The following LRBA variants were observed in gnomAD, a reference collection of about 807,000 sequenced individuals.
The protein encoded by LRBA is LPS responsive beige-like anchor protein.
Under a neutral mutation model 330.0 loss-of-function variants are expected in LRBA, and 176 were observed. That is an observed-to-expected ratio of 0.53 (90% CI 0.47 to 0.60). The LOEUF is 0.60. Among genes scored for constraint, LRBA ranks in the 20% least tolerant of loss-of-function variants. LRBA has a pLI of 0.00. For missense variants in LRBA, 3,259 were observed against 3,444.8 expected (o/e 0.95, Z 1.35); for synonymous variants, 1,230 against 1,193.0 (o/e 1.03, Z -0.64).
rs200210443 is a variant in LRBA at position 150,590,713 on chromosome 4, C to T, written c.6193G>A (p.Gly2065Ser). 21 of 1,612,482 alleles carry T rather than the reference C, an allele frequency of 1.3e-5. No individual in the cohort carries two copies. The highest frequency in any genetic ancestry group is 5.5e-5 in the South Asian group (5 of 90,710). ...VDEKDLENLA[G>S]PVSLSTPAQL... ...ATATCTGCACAACCACCAAATTTAC[C>T]GGCAAGATTCTCTAAATCTTTCTCA... The change falls in exon 39 of 57, where the codon GGT (glycine) becomes AGT (serine). Residue 2065 changes from glycine (G) to serine (S), a missense_variant and splice_region_variant. By Grantham distance (56) the Gly-to-Ser change is moderately conservative. Transcript: ENST00000651943.
intron 37 of LRBA, among the ~76,000 whole-genome samples, chr4:150,626,011 G>C (rs1161867904): frequency 6.8e-6 from 1 of 147,900 alleles, no homozygotes; most frequent in Non-Finnish European, 1.5e-5. Context: ...TTTTTTTTTT[G>C]GAAGCTTTCC....
chr4:150,386,360 C>T (rs1191076689), intron 47 of LRBA, among the ~76,000 whole-genome samples: 4 of 151,742 alleles, frequency 2.6e-5, no homozygotes, highest in African/African-American at 7.3e-5. Flanking sequence ...ATTAGTGACC[C>T]TTTGAGTATT....
chr4:150,350,007 A>T lies in LRBA; in HGVS notation c.7347T>A (p.Asp2449Glu), dbSNP rs1405747130. Residue 2449 changes from aspartate to glutamate, a missense_variant, in exon 48 of 57, where the codon GAT (aspartate) becomes GAA (glutamate). Transcript: ENST00000651943. ...EGAVNLNSIT[D>E]PVLREAVEAQ... The stretch of plus-strand genomic sequence containing the variant: ...GATAACTTACCTCTCTCAACACAGG[A>T]TCAGTTATTGAATTCAGATTGACAG... 6.2e-7 allele frequency: 1 copy of T among 1,613,658 alleles called. No homozygotes were observed. Among genetic ancestry groups the T allele is most frequent in the South Asian group, 1.1e-5 (1 of 91,078 alleles).
chr4:150,974,294 C>T (rs1227070492), intron 2 of LRBA, among the ~76,000 whole-genome samples: 3 of 151,960 alleles, frequency 2.0e-5, no homozygotes, highest in African/African-American at 4.8e-5. Flanking sequence ...GAGAAGAGTA[C>T]CAGAGAAGAA....
At chr4:150,994,917 A>G (rs1415157923) in intron 2 of LRBA, among the ~76,000 whole-genome samples, 2 of 152,230 alleles carry the variant, frequency 1.3e-5, no homozygotes, top group Non-Finnish European at 2.9e-5. Flanking sequence ...CTCCCCTGGG[A>G]GCATCCATCA....
chr4:150,559,696 T>A (rs1376002513), intron 40 of LRBA, among the ~76,000 whole-genome samples: 2 of 90,440 alleles, frequency 2.2e-5, no homozygotes, highest in Non-Finnish European at 4.0e-5. Context: ...ATATTATATA[T>A]TATATATTAT....
chr4:150,836,000 T>C (rs1747997699), intron 28 of LRBA, among the ~76,000 whole-genome samples: 1 of 152,228 alleles, frequency 6.6e-6, no homozygotes, highest in African/African-American at 2.4e-5. Context: ...ATACAGAGTT[T>C]TTAGCATGAA....
Position 150,849,629 on chromosome 4 carries a change from T to C in LRBA, c.4005-54A>G, listed in dbSNP as rs1170847016. ...TAAAGCTAAAGAAAGGAAATCACAG[T>C]TTGCCTACTTGAGGGGAGGAAAGAT... On this transcript the variant is annotated intron_variant, in intron 24 of 56. Transcript: ENST00000651943. 2.7e-6 allele frequency: 4 copies of C among 1,458,830 alleles called. No individual in the cohort carries two copies. In the African/African-American group the frequency reaches 5.6e-5, roughly 20 times the overall value. The allele number at this position is 1,458,830 out of a possible 1,614,324, so 90.4% of individuals were successfully genotyped here.
chr4:150,844,747 A>T lies in LRBA; in HGVS notation c.4372T>A (p.Cys1458Ser). Residue 1458 changes from cysteine to serine, a missense_variant, in exon 27 of 57, where the codon TGT becomes AGT. Cys to Ser is a moderately radical substitution (Grantham distance 112). Coordinates refer to ENST00000651943, the MANE Select transcript of LRBA (RefSeq NM_001364905.1). Reference protein sequence around the residue: ...CAVAVRNCLECQQHSQLKTRG... With the variant: ...CAVAVRNCLESQQHSQLKTRG... ...GTTTTCAGTTGTGAATGCTGTTGAC[A>T]CTCCAAGCAATTCCTTACTGCGACT... is the stretch of plus-strand genomic sequence containing the variant. The T allele has an allele frequency of 6.2e-7, 1 of 1,613,208 alleles. No homozygotes were observed. Among genetic ancestry groups the T allele is most frequent in the Non-Finnish European group, 8.5e-7 (1 of 1,179,294 alleles).
chr4:150,850,934 G>C (rs756489908), intron 23 of LRBA, 32 bp from the exon 24 acceptor site: 1 of 1,511,082 alleles, frequency 6.6e-7, no homozygotes, highest in Non-Finnish European at 9.1e-7. Context: ...TAATAAAATA[G>C]GTTCAACTTC....
chr4:150,644,518 T>G (rs1778957030), intron 37 of LRBA, among the ~76,000 whole-genome samples: 1 of 151,896 alleles, frequency 6.6e-6, no homozygotes, highest in Non-Finnish European at 1.5e-5. Context: ...TTATAGCCTT[T>G]CAGTGAAAAC....
rs1159362394 is a variant in LRBA, at chr4:150,467,757, A to T, written c.6696T>A (p.Tyr2232Ter). 6.3e-7 allele frequency: 1 copy of T among 1,594,750 alleles called. No individual in the cohort carries two copies. The highest frequency in any genetic ancestry group is 2.2e-5 in the East Asian group (1 of 44,504). Residue 2232 changes from tyrosine to a stop codon, truncating the protein, a stop_gained, in exon 44 of 57, where the codon TAT becomes TAA. Coordinates refer to ENST00000651943, the MANE Select transcript of LRBA (RefSeq NM_001364905.1). LOFTEE classifies it high-confidence loss of function. Reference protein sequence around the residue: ...AGRSYNDLNQYPVFPWVITNY... With the variant: ...AGRSYNDLNQ The stretch of plus-strand genomic sequence containing the variant: ...TAGTGATGACCCAAGGAAACACTGG[A>T]TACTGATTTAAGTCATTATAACTCC...
chr4:150,831,591 T>A (rs1219511422), intron 29 of LRBA, among the ~76,000 whole-genome samples: 3 of 152,236 alleles, frequency 2.0e-5, no homozygotes, highest in Non-Finnish European at 4.4e-5. Context: ...TATAACATTT[T>A]CTGACTTACA....
intron 37 of LRBA, among the ~76,000 whole-genome samples, chr4:150,619,698 C>T (rs969490452): frequency 6.6e-5 from 10 of 152,140 alleles, no homozygotes; most frequent in African/African-American, 2.4e-4. Context: ...GGCTCCACAA[C>T]TGAGGGCAGT....
At chr4:150,858,916 C>A (rs545111248) in intron 22 of LRBA, among the ~76,000 whole-genome samples, 1 of 152,090 alleles carries the variant, frequency 6.6e-6, no homozygotes, top group Non-Finnish European at 1.5e-5. Context: ...TATGCCAGTT[C>A]ATATCTTATG....
intron 37 of LRBA, among the ~76,000 whole-genome samples, chr4:150,645,919 C>A (rs553326957): frequency 1.6e-5 from 2 of 128,222 alleles, no homozygotes; most frequent in East Asian, 5.2e-4. Context: ...AAATTCTTCT[C>A]ATTAGAAAAC....
At chr4:150,814,040 T>G (rs1744184102) in intron 31 of LRBA, among the ~76,000 whole-genome samples, 1 of 152,068 alleles carries the variant, frequency 6.6e-6, no homozygotes, top group Admixed American at 6.6e-5. Flanking sequence ...GTATTGGATA[T>G]ATCACATAAT....
intron 44 of LRBA, among the ~76,000 whole-genome samples, chr4:150,459,822 C>T (rs186695158): frequency 3.0e-4 from 46 of 151,962 alleles, no homozygotes; most frequent in Admixed American, 2.8e-3. Flanking sequence ...TTATGTCAGC[C>T]AATAAAACAT....
chr4:150,697,325 G>GGAAAA (rs1554081715), intron 36 of LRBA, among the ~76,000 whole-genome samples: 1 of 28,054 alleles, frequency 3.6e-5, no homozygotes, highest in Non-Finnish European at 6.2e-5. Flanking sequence ...CTTTGTCTCA[G>GGAAAA]AAAAAAAAAA....
Sources: allele counts gnomAD v4.1 joint callset (sites outside exome capture counted in the v4.1 genomes callset), GRCh38; gene constraint gnomAD v4.1.1; transcripts MANE v1.5; gene names NCBI Gene and HGNC (gene_info 2026-07-23, HGNC 2026-07-21).